The following PTPRD variants were observed in gnomAD, a reference collection of about 807,000 sequenced individuals.
PTPRD encodes the protein receptor-type tyrosine-protein phosphatase delta.
A neutral mutation model predicts 214.5 loss-of-function variants in PTPRD; 34 were observed. The observed-to-expected ratio is 0.16, with a 90% CI of 0.12 to 0.21. The LOEUF is 0.21. Among genes scored for constraint, PTPRD ranks in the 10% least tolerant of loss-of-function variants. The pLI, the probability that PTPRD is intolerant of heterozygous loss-of-function variation, is 1.00. For missense variants in PTPRD, 2,545 were observed against 2,398.7 expected (o/e 1.06, Z -1.27); for synonymous variants, 1,128 against 845.7 (o/e 1.33, Z -5.79).
intron 14 of PTPRD, among the ~76,000 whole-genome samples, chr9:8,553,033 G>C (rs1342602963): frequency 6.6e-6 from 1 of 152,116 alleles, no homozygotes; most frequent in Admixed American, 6.5e-5. Flanking sequence ...TAAATCACTT[G>C]AGCTGGCCCA....
intron 12 of PTPRD, among the ~76,000 whole-genome samples, chr9:8,674,987 G>C (rs1378379288): frequency 6.6e-6 from 1 of 152,098 alleles, no homozygotes; most frequent in African/African-American, 2.4e-5. Context: ...AATTACAAAA[G>C]AAATAACCAG....
At chr9:9,308,751 T>C (rs1957932724) in intron 9 of PTPRD, among the ~76,000 whole-genome samples, 1 of 152,212 alleles carries the variant, frequency 6.6e-6, no homozygotes. Flanking sequence ...GATATTTTGA[T>C]ACAATTTAAA....
At chr9:8,497,418 C>A in intron 25 of PTPRD, 150 bp from the exon 26 acceptor site, 1 of 557,050 alleles carries the variant, frequency 1.8e-6, no homozygotes. Context: ...GTGTGATTTG[C>A]TGCCACCTCC....
At chr9:8,654,960 G>GT (rs962664978) in intron 12 of PTPRD, among the ~76,000 whole-genome samples, 1 of 151,886 alleles carries the variant, frequency 6.6e-6, no homozygotes, top group Non-Finnish European at 1.5e-5. Context: ...TAGCAAGATT[G>GT]TTTTTTTCAT....
At position 8,441,873 on chromosome 9, in the gene PTPRD, T is replaced by A. The variant is rs150055851; in HGVS notation, c.3989-5184A>T. ...GATCCCATACCCCGTACACTCTCAT[T>A]TAGCACATTTCACATGACGCCATGC... On this transcript the variant is annotated intron_variant, in intron 34 of 45. Coordinates refer to ENST00000381196, the MANE Select transcript of PTPRD (RefSeq NM_002839.4). Among the ~76,000 whole-genome samples, 142 of 152,236 alleles carry A rather than the reference T, an allele frequency of 9.3e-4. 2 individuals are homozygous for A. The East Asian group carries it at 0.027, about 29-fold the overall frequency.
Position 9,962,124 on chromosome 9 carries a change from A to T in PTPRD, c.-471-23514T>A, listed in dbSNP as rs1263690440. Reference sequence around the variant, plus strand: ...CTTCTGACAGCAGAACCAAATTTTTAAAAAGTTAATGATTAAAAGAATACT... The same window carrying T: ...CTTCTGACAGCAGAACCAAATTTTTTAAAAGTTAATGATTAAAAGAATACT... On this transcript the variant is annotated intron_variant, in intron 4 of 45. Coordinates refer to ENST00000381196, the MANE Select transcript of PTPRD (RefSeq NM_002839.4). 5.9e-5 allele frequency among the ~76,000 whole-genome samples: 9 copies of T among 152,148 alleles called. No individual in the cohort carries two copies. The East Asian group carries it at 1.7e-3, about 29-fold the overall frequency.
At chr9:9,766,730 A>G (rs751986999) in intron 6 of PTPRD, 80 bp downstream of exon 6, 5 of 152,472 alleles carry the variant, frequency 3.3e-5, no homozygotes, top group Non-Finnish European at 7.4e-5. Flanking sequence ...CCAAGCATGC[A>G]ACAGTAATAT....
At chr9:8,742,061 A>G (rs1018677339) in intron 11 of PTPRD, among the ~76,000 whole-genome samples, 31 of 152,250 alleles carry the variant, frequency 2.0e-4, no homozygotes, top group African/African-American at 5.8e-4. Context: ...CCAAAATTTC[A>G]TATTATTCCC....
chr9:8,990,633 G>C (rs146629405), intron 11 of PTPRD, among the ~76,000 whole-genome samples: 118 of 152,196 alleles, frequency 7.8e-4, no homozygotes, highest in African/African-American at 2.7e-3. Flanking sequence ...CCCAAAGCCA[G>C]CCAAAAAAAC....
At chr9:8,771,160 G>A (rs375937302) in intron 11 of PTPRD, among the ~76,000 whole-genome samples, 5 of 134,758 alleles carry the variant, frequency 3.7e-5, no homozygotes, top group East Asian at 2.1e-4. Flanking sequence ...CAGCCTGGGC[G>A]ACAGAGCAAG....
At chr9:8,544,911 T>A (rs989555714) in intron 14 of PTPRD, among the ~76,000 whole-genome samples, 4 of 141,946 alleles carry the variant, frequency 2.8e-5, no homozygotes, top group South Asian at 2.3e-4. Flanking sequence ...TTTTTTTTTT[T>A]AATTGTCAGG....
At chr9:9,621,253 T>G (rs746219934) in intron 7 of PTPRD, among the ~76,000 whole-genome samples, 91 of 152,228 alleles carry the variant, frequency 6.0e-4, no homozygotes, top group Non-Finnish European at 1.1e-3. Flanking sequence ...ACAGTGGATA[T>G]TAGAACATCT....
chr9:9,544,806 T>G (rs1176945184), intron 8 of PTPRD, among the ~76,000 whole-genome samples: 1 of 151,702 alleles, frequency 6.6e-6, no homozygotes, highest in Admixed American at 6.6e-5. Flanking sequence ...TTAGATTTGG[T>G]ATTCTGCTTT....
At chr9:8,541,423 G>T (rs1327788748) in intron 14 of PTPRD, among the ~76,000 whole-genome samples, 4 of 152,076 alleles carry the variant, frequency 2.6e-5, no homozygotes, top group South Asian at 2.1e-4. Context: ...ATAGAGATGG[G>T]TCTCACTAAG....
At chr9:8,433,727 A>G (rs1021803635) in intron 35 of PTPRD, among the ~76,000 whole-genome samples, 1 of 152,234 alleles carries the variant, frequency 6.6e-6, no homozygotes, top group African/African-American at 2.4e-5. Flanking sequence ...AAGCTAAGTG[A>G]TATCAAAAGA....
chr9:10,418,415 C>T (rs1408722910), intron 2 of PTPRD, among the ~76,000 whole-genome samples: 1 of 148,364 alleles, frequency 6.7e-6, no homozygotes, highest in Non-Finnish European at 1.5e-5. Context: ...GTGGGGCCTT[C>T]CTTCTACATT....
At chr9:9,328,540 T>C (rs946221711) in intron 9 of PTPRD, among the ~76,000 whole-genome samples, 1 of 151,796 alleles carries the variant, frequency 6.6e-6, no homozygotes, top group Non-Finnish European at 1.5e-5. Context: ...TGTGTTTATA[T>C]TGAAATCTCA....
At chr9:8,722,672 T>C (rs16928334) in intron 12 of PTPRD, among the ~76,000 whole-genome samples, 2,091 of 152,292 alleles carry the variant, frequency 0.014, 17 homozygotes, top group Middle Eastern at 0.031. Flanking sequence ...CAATTCTATG[T>C]TGACCATCAC....
At chr9:10,190,606 T>C (rs1457125255) in intron 3 of PTPRD, among the ~76,000 whole-genome samples, 4 of 148,564 alleles carry the variant, frequency 2.7e-5, no homozygotes, top group Admixed American at 6.8e-5. Flanking sequence ...TAATTCCAAC[T>C]GCTCGGGAGG....
Sources: allele counts gnomAD v4.1 joint callset (sites outside exome capture counted in the v4.1 genomes callset), GRCh38; gene constraint gnomAD v4.1.1; transcripts MANE v1.5; gene names NCBI Gene and HGNC (gene_info 2026-07-23, HGNC 2026-07-21).